Variants in LDLRAD4 observed in about 807,000 individuals in gnomAD.
LDLRAD4 encodes low density lipoprotein receptor class A domain containing 4.
In LDLRAD4, 5 loss-of-function variants were observed where a neutral mutation model predicts 17.0. That is an observed-to-expected ratio of 0.29 (90% confidence interval 0.15 to 0.62). The LOEUF is 0.62. Among genes scored for constraint, LDLRAD4 ranks in the 20% least tolerant of loss-of-function variants. The pLI is 0.84. For missense variants in LDLRAD4, 340 were observed against 424.7 expected, an observed-to-expected ratio of 0.80 and a Z score of 1.75; for synonymous variants, 168 against 171.8, an observed-to-expected ratio of 0.98 and a Z score of 0.17.
In LDLRAD4 at chr18:13,645,660, C is replaced by G; in HGVS notation, c.*3C>G. On this transcript the variant is annotated 3_prime_UTR_variant, in exon 6 of 6. Coordinates refer to ENST00000359446, the Ensembl canonical transcript of LDLRAD4. This position sits in a 1 kb window ranked among gnomAD's most constrained non-coding sequence, Gnocchi z 5.7. ...GGAAGCCTGGGAACCTGGTCTGATTCCTTCCAACGTGCACTTCAGCTGGAG... is the reference window on the plus strand; with the variant it reads ...GGAAGCCTGGGAACCTGGTCTGATTGCTTCCAACGTGCACTTCAGCTGGAG... 1 of 1,507,568 alleles carries G rather than the reference C, an allele frequency of 6.6e-7. No homozygotes were observed. Among genetic ancestry groups the G allele is most frequent in the Non-Finnish European group, 8.9e-7 (1 of 1,129,590 alleles). The allele number at this position is 1,507,568 out of a possible 1,614,324, so 93.4% of individuals were successfully genotyped here.
At chr18:13,642,765 G>A (rs1013258743) in intron 4 of LDLRAD4, 1 of 1,229,740 alleles carries the variant, frequency 8.1e-7, no homozygotes, top group Non-Finnish European at 1.0e-6. Context: ...CAGGTGTAGA[G>A]AGTGAGCCAT....
intron 3 of LDLRAD4, among the ~76,000 whole-genome samples, chr18:13,444,251 A>G (rs2091236747): frequency 6.6e-6 from 1 of 152,158 alleles, no homozygotes. Context: ...CCCCTCTGCT[A>G]CACTTGGATA....
At chr18:13,218,365 G>T (rs1181240745), upstream of LDLRAD4, among the ~76,000 whole-genome samples, 1 of 152,150 alleles carries the variant, frequency 6.6e-6, no homozygotes, top group Non-Finnish European at 1.5e-5. Context: ...GAGGGACTTC[G>T]CCGACCCCCA....
chr18:13,421,556 CA>C (rs766610493), intron 2 of LDLRAD4, among the ~76,000 whole-genome samples: 21 of 152,152 alleles, frequency 1.4e-4, no homozygotes, highest in Admixed American at 6.5e-5. Context: ...TGGGAGTCCT[CA>C]GGGTTCCCTG....
At chr18:13,519,578 T>A (rs964886921) in intron 3 of LDLRAD4, among the ~76,000 whole-genome samples, 3 of 152,090 alleles carry the variant, frequency 2.0e-5, no homozygotes, top group Non-Finnish European at 4.4e-5. Context: ...CTGGGCAACA[T>A]GGTGAAACCC....
Position 13,522,801 on chromosome 18 carries a change from TG to T in LDLRAD4, c.181+84425del, listed in dbSNP as rs954223814. 9.2e-5 allele frequency: 14 copies of T among 152,820 alleles called. No homozygotes were observed. In the East Asian group the frequency reaches 1.3e-3, roughly 15 times the overall value. The allele number at this position is 152,820 out of a possible 1,614,324, so 9.5% of individuals were successfully genotyped here. A position where few individuals can be genotyped will look rare whatever the true frequency, so the allele number is the denominator to read the frequency against. ...GTAAATCCTAGGGTGTTTTGGGGCT[TG>T]GGGGGGGATTTTAGTCAGAAATTCA... On this transcript the variant is annotated intron_variant, in intron 3 of 5. Coordinates refer to ENST00000359446, the Ensembl canonical transcript of LDLRAD4.
chr18:13,610,577 G>A (rs560430047), intron 3 of LDLRAD4, among the ~76,000 whole-genome samples: 2 of 152,102 alleles, frequency 1.3e-5, no homozygotes, highest in East Asian at 1.9e-4. Context: ...TTGAGCCACC[G>A]TGCCTGCCCC....
chr18:13,400,945 G>T (rs2087128961), intron 2 of LDLRAD4, among the ~76,000 whole-genome samples: 1 of 152,174 alleles, frequency 6.6e-6, no homozygotes, highest in Non-Finnish European at 1.5e-5. Context: ...ACACATGTCT[G>T]GGGAGACAGA....
In LDLRAD4 at chr18:13,544,167, G is replaced by A. The variant is rs536613811; in HGVS notation, c.182-76950G>A. Among the ~76,000 whole-genome samples, 10 of 152,344 alleles carry A rather than the reference G, an allele frequency of 6.6e-5. No individual in the cohort carries two copies. The East Asian group carries it at 1.9e-3, about 29-fold the overall frequency. ...AGAAATACCTTCAGAAATGAGATTG[G>A]GAAACTTTAGTGAAAAACGTGTTGA... is the stretch of plus-strand genomic sequence containing the variant. On this transcript the variant is annotated intron_variant, in intron 3 of 5. Transcript: ENST00000359446.
rs558508737 is a variant in LDLRAD4, at chr18:13,304,841, A to T, written c.-383+26653A>T. ...GTAGGAGGGATCCCTAGGGATGGGG[A>T]CAGGGAAGATGACACAGCAGACGGA... On this transcript the variant is annotated intron_variant, in intron 1 of 5. Coordinates refer to ENST00000359446, the Ensembl canonical transcript of LDLRAD4. 2.0e-5 allele frequency among the ~76,000 whole-genome samples: 3 copies of T among 152,312 alleles called. No homozygotes were observed. In the South Asian group the frequency reaches 6.2e-4, roughly 32 times the overall value.
At chr18:13,543,964 A>G (rs2094322614) in intron 3 of LDLRAD4, among the ~76,000 whole-genome samples, 1 of 152,246 alleles carries the variant, frequency 6.6e-6, no homozygotes, top group Admixed American at 6.5e-5. Context: ...GGATACCAGG[A>G]CGAGGCCTGC....
intron 1 of LDLRAD4, among the ~76,000 whole-genome samples, chr18:13,346,887 C>A (rs1181073768): frequency 2.0e-5 from 3 of 152,336 alleles, no homozygotes; most frequent in Admixed American, 1.3e-4. Context: ...TTATCAGAGA[C>A]TAGGATTGCA....
At chr18:13,421,339 G>C (rs2089431968) in intron 2 of LDLRAD4, 1 of 152,272 alleles carries the variant, frequency 6.6e-6, no homozygotes, top group Admixed American at 6.5e-5. Flanking sequence ...CCTCTCCCTG[G>C]GTCTGTGGAG....
intron 4 of LDLRAD4, chr18:13,642,564 T>C: frequency 1.6e-6 from 2 of 1,228,450 alleles, no homozygotes; most frequent in Non-Finnish European, 2.0e-6. Flanking sequence ...AGACACTCGC[T>C]GGAGGATCCT....
At chr18:13,553,233 C>T (rs2094452072) in intron 3 of LDLRAD4, among the ~76,000 whole-genome samples, 1 of 152,124 alleles carries the variant, frequency 6.6e-6, no homozygotes, top group Non-Finnish European at 1.5e-5. Context: ...AAATAAAGGT[C>T]TCCTGTTTGG....
chr18:13,392,051 G>A (rs2086313995), intron 2 of LDLRAD4, among the ~76,000 whole-genome samples: 1 of 152,192 alleles, frequency 6.6e-6, no homozygotes, highest in Non-Finnish European at 1.5e-5. Context: ...ACTCCCTGAG[G>A]CAAAATTATT....
At chr18:13,515,766 A>G (rs925925315) in intron 3 of LDLRAD4, 2 of 152,058 alleles carry the variant, frequency 1.3e-5, no homozygotes, top group Non-Finnish European at 2.9e-5. Context: ...TTTGCATTTT[A>G]TGGGGAATTT....
At chr18:13,387,476 G>T (rs1006878350) in exon 2 of LDLRAD4, 2 of 434,416 alleles carry the variant, frequency 4.6e-6, no homozygotes, top group Non-Finnish European at 4.1e-6. Context: ...CCCTCCACCC[G>T]CGCCATGGCC....
chr18:13,571,101 T>C (rs1397008055), intron 3 of LDLRAD4, among the ~76,000 whole-genome samples: 1 of 152,214 alleles, frequency 6.6e-6, no homozygotes, highest in Non-Finnish European at 1.5e-5. Flanking sequence ...ATTACAGGCA[T>C]GAGCCACCAC....
Sources: gnomAD v4.1 joint callset for allele counts (sites outside exome capture counted in the v4.1 genomes callset) on GRCh38, gnomAD v4.1.1 for gene constraint, Gnocchi (gnomAD v3.1) non-coding constraint, MANE v1.5 for transcripts, NCBI Gene and HGNC (gene_info 2026-07-23, HGNC 2026-07-21) for gene names.